The following TASP1 variants were observed in gnomAD, a reference collection of about 807,000 sequenced individuals.
TASP1 encodes taspase 1, also known as threonine aspartase 1.
A neutral mutation model predicts 56.6 loss-of-function variants in TASP1; 16 were observed. The ratio of observed to expected loss-of-function variants is 0.28; its 90% CI spans 0.19 to 0.43. The LOEUF is 0.43. Ranked by LOEUF, TASP1 falls within the 20% of genes least tolerant of loss-of-function variation. The pLI is 1.00. For missense variants in TASP1, 393 were observed against 511.6 expected (o/e 0.77, Z 2.24); for synonymous variants, 179 against 184.2 (o/e 0.97, Z 0.23).
At chr20:13,245,580 C>T in the TASP1 span, among the ~76,000 whole-genome samples, 1 of 152,182 alleles carries the variant, frequency 6.6e-6, no homozygotes, top group Non-Finnish European at 1.5e-5. Flanking sequence ...ATACTCCCCT[C>T]CACATGTACC....
the TASP1 span, among the ~76,000 whole-genome samples, chr20:13,246,601 CG>C: frequency 0.036 from 5,529 of 152,270 alleles, 173 homozygotes; most frequent in African/African-American, 0.077. Context: ...AGAGCAGATA[CG>C]TGTTTTTTCA....
chr20:13,553,384 G>A (rs1485180586), intron 8 of TASP1, among the ~76,000 whole-genome samples: 1 of 152,122 alleles, frequency 6.6e-6, no homozygotes, highest in East Asian at 1.9e-4. Flanking sequence ...TGGACTGTCT[G>A]TATACCATAA....
chr20:13,107,856 T>C, the TASP1 span, among the ~76,000 whole-genome samples: 2 of 152,084 alleles, frequency 1.3e-5, no homozygotes, highest in East Asian at 3.9e-4. Flanking sequence ...CTATATCTAA[T>C]ACCTAAGGCT....
the TASP1 span, among the ~76,000 whole-genome samples, chr20:13,276,770 G>C: frequency 6.6e-6 from 1 of 152,152 alleles, no homozygotes; most frequent in Non-Finnish European, 1.5e-5. Context: ...CATGTAAATA[G>C]AATGAGAGCA....
At chr20:13,407,478 T>C (rs1184325468) in intron 13 of TASP1, among the ~76,000 whole-genome samples, 2 of 152,216 alleles carry the variant, frequency 1.3e-5, no homozygotes, top group African/African-American at 2.4e-5. Flanking sequence ...ATTCATCAGT[T>C]GATGGGCATT....
At chr20:13,411,409 C>A (rs1191908285) in intron 13 of TASP1, among the ~76,000 whole-genome samples, 5 of 152,140 alleles carry the variant, frequency 3.3e-5, no homozygotes, top group Non-Finnish European at 5.9e-5. Context: ...TTCTTCTGAT[C>A]CATGAGCATG....
chr20:13,463,431 G>A (rs1017049734), intron 11 of TASP1, among the ~76,000 whole-genome samples: 4 of 152,006 alleles, frequency 2.6e-5, no homozygotes, highest in East Asian at 1.9e-4. Context: ...AAACACAGGG[G>A]GCAAGCTTCA....
At chr20:13,332,408 T>G in the TASP1 span, among the ~76,000 whole-genome samples, 1 of 152,244 alleles carries the variant, frequency 6.6e-6, no homozygotes, top group East Asian at 1.9e-4. Flanking sequence ...TAAACTTAAA[T>G]TATAATTTTA....
chr20:13,542,692 A>C (rs887953005), intron 8 of TASP1, among the ~76,000 whole-genome samples: 2 of 152,200 alleles, frequency 1.3e-5, no homozygotes, highest in Non-Finnish European at 2.9e-5. Flanking sequence ...AAAGTAGATA[A>C]AATTTGGAAA....
chr20:13,194,482 C>G, the TASP1 span, among the ~76,000 whole-genome samples: 1 of 151,522 alleles, frequency 6.6e-6, no homozygotes, highest in East Asian at 1.9e-4. Context: ...CCTTAAGCAA[C>G]AAAAGGAGTT....
the TASP1 span, among the ~76,000 whole-genome samples, chr20:13,354,590 A>C: frequency 2.0e-5 from 3 of 152,274 alleles, no homozygotes; most frequent in African/African-American, 7.2e-5. Context: ...AAACTAAAAA[A>C]TAATTGCCTC....
chr20:13,448,541 A>T (rs1231468657), intron 11 of TASP1, among the ~76,000 whole-genome samples: 1 of 152,120 alleles, frequency 6.6e-6, no homozygotes, highest in Non-Finnish European at 1.5e-5. Context: ...AAGCCTAAAG[A>T]CAGAGTCAAT....
chr20:13,432,381 C>A (rs1337033548), intron 12 of TASP1, among the ~76,000 whole-genome samples: 1 of 152,192 alleles, frequency 6.6e-6, no homozygotes, highest in African/African-American at 2.4e-5. Flanking sequence ...CAAAGACTGA[C>A]TGGTGGCTCT....
intron 13 of TASP1, among the ~76,000 whole-genome samples, chr20:13,406,374 C>A (rs6109863): frequency 6.6e-6 from 1 of 152,222 alleles, no homozygotes; most frequent in Non-Finnish European, 1.5e-5. Context: ...TCAGGGAACA[C>A]GTCTTGCACA....
At chr20:13,526,540 C>T (rs1157449540) in intron 10 of TASP1, among the ~76,000 whole-genome samples, 1 of 152,154 alleles carries the variant, frequency 6.6e-6, no homozygotes, top group Non-Finnish European at 1.5e-5. Context: ...CATATTATTA[C>T]ATTATGCTCA....
Position 13,580,985 on chromosome 20 carries a change from T to TAAAAAAA in TASP1, c.404-11_404-5dup. The TAAAAAAA allele has an allele frequency of 4.1e-6, 6 of 1,468,608 alleles. No individual in the cohort carries two copies. The highest frequency in any genetic ancestry group is 4.6e-6 in the Non-Finnish European group (5 of 1,091,422). The allele number at this position is 1,468,608 out of a possible 1,614,324, so 91.0% of individuals were successfully genotyped here. A position where few individuals can be genotyped will look rare whatever the true frequency, so the allele number is the denominator to read the frequency against. ...ACCGAGACTGGGTTCTTGATTCCTATAAAAAAAAAAAAAAAATTGGCAAAA... is the reference window on the plus strand; with the variant it reads ...ACCGAGACTGGGTTCTTGATTCCTATAAAAAAAAAAAAAAAAAAAAAAATTGGCAAAA... On this transcript the variant is annotated splice_region_variant and splice_polypyrimidine_tract_variant and intron_variant, in intron 5 of 13. Transcript: ENST00000337743.
At chr20:13,222,505 C>G in the TASP1 span, among the ~76,000 whole-genome samples, 13 of 152,072 alleles carry the variant, frequency 8.5e-5, no homozygotes, top group South Asian at 4.1e-4. Flanking sequence ...CCCCCCTCCC[C>G]CCTTGTGCCC....
chr20:13,391,521 T>G (rs375137063), intron 13 of TASP1, among the ~76,000 whole-genome samples: 1 of 152,184 alleles, frequency 6.6e-6, no homozygotes, highest in Non-Finnish European at 1.5e-5. Flanking sequence ...GTGAGTCTCA[T>G]CAGAAGACAA....
rs187577366 is a variant in TASP1 at position 13,497,460 on chromosome 20, G to A, written c.875-14123C>T. On this transcript the variant is annotated intron_variant, in intron 10 of 13. Coordinates refer to ENST00000337743, the MANE Select transcript of TASP1 (RefSeq NM_017714.3). ...AAAAATATCCCCAGTGACCCAATAA[G>A]CTGAAAGCTAGGCTGTAAAAGACAG... Among the ~76,000 whole-genome samples, 293 of 152,310 alleles carry A rather than the reference G, an allele frequency of 1.9e-3. 1 individual carries two copies. Among genetic ancestry groups the A allele is most frequent in the Middle Eastern group, 3.4e-3 (1 of 294 alleles).
Sources: allele counts gnomAD v4.1 joint callset (sites outside exome capture counted in the v4.1 genomes callset), GRCh38; gene constraint gnomAD v4.1.1; transcripts MANE v1.5; gene names NCBI Gene and HGNC (gene_info 2026-07-23, HGNC 2026-07-21).